The following RBFOX1 variants were observed in gnomAD, a reference collection of about 807,000 sequenced individuals.
RBFOX1 encodes the protein RNA binding fox-1 homolog 1.
Under a neutral mutation model 57.7 loss-of-function variants are expected in RBFOX1, and 8 were observed. The ratio of observed to expected loss-of-function variants is 0.14; its 90% CI spans 0.08 to 0.25. RBFOX1 has a LOEUF of 0.25. Among genes scored for constraint, RBFOX1 ranks in the 10% least tolerant of loss-of-function variants. The pLI is 1.00. For missense variants in RBFOX1, 611 were observed against 548.5 expected (o/e 1.11, Z -1.14); for synonymous variants, 326 against 222.4 (o/e 1.47, Z -4.15).
Position 6,379,064 on chromosome 16 carries a change from G to A in RBFOX1, c.-64+62007G>A, listed in dbSNP as rs570270811. Reference sequence around the variant, plus strand: ...GGATTGTGTGTTAGGACTGAGGAAGGAGGAGGAGGAGGATGCCCAGCTTTC... The same window carrying A: ...GGATTGTGTGTTAGGACTGAGGAAGAAGGAGGAGGAGGATGCCCAGCTTTC... On this transcript the variant is annotated intron_variant, in intron 2 of 15. Transcript: ENST00000550418. 1.7e-4 allele frequency among the ~76,000 whole-genome samples: 26 copies of A among 152,218 alleles called. 1 individual carries two copies. The highest frequency in any genetic ancestry group is 8.3e-4 in the South Asian group (4 of 4,802).
intron 10 of RBFOX1, among the ~76,000 whole-genome samples, chr16:7,608,066 A>G (rs2056697733): frequency 6.6e-6 from 1 of 152,162 alleles, no homozygotes; most frequent in African/African-American, 2.4e-5. Context: ...GCTCTTGAAC[A>G]AGGCTGCATT....
At chr16:5,344,563 A>C (rs1021794523) in intron 1 of RBFOX1, among the ~76,000 whole-genome samples, 1 of 152,088 alleles carries the variant, frequency 6.6e-6, no homozygotes, top group East Asian at 1.9e-4. Flanking sequence ...TACAGATTCC[A>C]TACCCAAAAG....
chr16:5,918,543 A>T (rs768384953), intron 4 of RBFOX1, among the ~76,000 whole-genome samples: 23 of 152,226 alleles, frequency 1.5e-4, no homozygotes, highest in South Asian at 8.3e-4. Flanking sequence ...CCTACTGACC[A>T]GCTTTAACAG....
intron 3 of RBFOX1, among the ~76,000 whole-genome samples, chr16:6,811,830 A>G (rs1339914347): frequency 2.0e-5 from 3 of 152,216 alleles, no homozygotes; most frequent in Non-Finnish European, 4.4e-5. Flanking sequence ...CAGAGGTTAC[A>G]GTGAGCCGAG....
chr16:6,646,014 C>T (rs1348901052), intron 2 of RBFOX1, among the ~76,000 whole-genome samples: 1 of 152,038 alleles, frequency 6.6e-6, no homozygotes, highest in Non-Finnish European at 1.5e-5. Flanking sequence ...CAGGGTTTCC[C>T]GGCTACAAAA....
chr16:7,439,990 C>T (rs1165461675), intron 4 of RBFOX1, among the ~76,000 whole-genome samples: 3 of 137,002 alleles, frequency 2.2e-5, no homozygotes, highest in Non-Finnish European at 3.1e-5. Flanking sequence ...CTCATTCTGT[C>T]ACTCAGGCTG....
At chr16:6,860,860 T>C (rs1033383985) in intron 3 of RBFOX1, among the ~76,000 whole-genome samples, 5 of 152,230 alleles carry the variant, frequency 3.3e-5, no homozygotes, top group African/African-American at 1.2e-4. Flanking sequence ...TTCAAAAATA[T>C]ATAAATGTAT....
intron 4 of RBFOX1, among the ~76,000 whole-genome samples, chr16:7,145,364 C>G (rs1335635449): frequency 6.6e-6 from 1 of 152,104 alleles, no homozygotes; most frequent in African/African-American, 2.4e-5. Flanking sequence ...ACCACCACAT[C>G]TGGTTCATTT....
chr16:7,446,090 C>G (rs1190871766), intron 4 of RBFOX1, among the ~76,000 whole-genome samples: 1 of 152,158 alleles, frequency 6.6e-6, no homozygotes, highest in Non-Finnish European at 1.5e-5. Flanking sequence ...TCTGGGTTAA[C>G]TGGGACTTAA....
chr16:7,589,912 G>GGTGGGTGT (rs1555639488), intron 7 of RBFOX1, among the ~76,000 whole-genome samples: 6 of 134,946 alleles, frequency 4.4e-5, no homozygotes, highest in Non-Finnish European at 7.8e-5. Context: ...GTGTGTGCTG[G>GGTGGGTGT]GTGTGTGTGT....
At chr16:5,658,294 C>G (rs1233202418) in intron 3 of RBFOX1, among the ~76,000 whole-genome samples, 2 of 152,134 alleles carry the variant, frequency 1.3e-5, no homozygotes, top group Non-Finnish European at 2.9e-5. Flanking sequence ...GAAAGATATC[C>G]TGAGCCAAGG....
At chr16:6,316,208 C>G (rs984655963) in intron 1 of RBFOX1, among the ~76,000 whole-genome samples, 12 of 142,248 alleles carry the variant, frequency 8.4e-5, no homozygotes, top group Middle Eastern at 3.5e-3. Context: ...CCGTAAACAT[C>G]TTTCAGATCT....
intron 1 of RBFOX1, among the ~76,000 whole-genome samples, chr16:6,145,105 G>A (rs1362382768): frequency 1.3e-5 from 2 of 151,926 alleles, no homozygotes; most frequent in African/African-American, 4.8e-5. Flanking sequence ...GTGTCATGGG[G>A]GTTTGTTGTA....
chr16:6,523,150 C>T (rs147760634), intron 2 of RBFOX1, among the ~76,000 whole-genome samples: 4 of 152,216 alleles, frequency 2.6e-5, no homozygotes, highest in Non-Finnish European at 2.9e-5. Context: ...ACGTAGGTAG[C>T]ATGGGGTGAC....
chr16:6,873,468 A>G (rs1210656830), intron 3 of RBFOX1, among the ~76,000 whole-genome samples: 2 of 152,200 alleles, frequency 1.3e-5, no homozygotes, highest in East Asian at 1.9e-4. Context: ...TTTTATGTGT[A>G]TCTTCTGCAA....
At chr16:6,314,304 C>T (rs183573042) in intron 1 of RBFOX1, among the ~76,000 whole-genome samples, 3 of 152,294 alleles carry the variant, frequency 2.0e-5, no homozygotes, top group African/African-American at 7.2e-5. Context: ...TTAAACATTG[C>T]CCTTGCCTTC....
At chr16:6,020,016 C>G (rs1162315843) in intron 1 of RBFOX1, 24 bp downstream of exon 1, 1 of 1,490,512 alleles carries the variant, frequency 6.7e-7, no homozygotes, top group Non-Finnish European at 9.0e-7. Context: ...GAGTCATTGC[C>G]TCTGCACCCA....
chr16:5,876,233 T>A (rs1346073239), intron 4 of RBFOX1, among the ~76,000 whole-genome samples: 1 of 152,074 alleles, frequency 6.6e-6, no homozygotes, highest in Non-Finnish European at 1.5e-5. Flanking sequence ...AGCACCTGAG[T>A]CTGTGCCAGC....
At chr16:6,350,971 C>A (rs1267948851) in intron 2 of RBFOX1, among the ~76,000 whole-genome samples, 1 of 152,274 alleles carries the variant, frequency 6.6e-6, no homozygotes, top group East Asian at 1.9e-4. Context: ...GAAATGAAGA[C>A]CACAGGCAGT....
Sources: allele counts gnomAD v4.1 joint callset (sites outside exome capture counted in the v4.1 genomes callset), GRCh38; gene constraint gnomAD v4.1.1; transcripts MANE v1.5; gene names NCBI Gene and HGNC (gene_info 2026-07-23, HGNC 2026-07-21).